P2RX1: variants seen among roughly 807,000 people sequenced by gnomAD.
P2RX1 encodes purinergic receptor P2X 1, also known as P2X purinoceptor 1.
Under a neutral mutation model 50.3 loss-of-function variants are expected in P2RX1, and 42 were observed. The observed-to-expected ratio is 0.83, with a 90% CI of 0.65 to 1.08. P2RX1 has a LOEUF of 1.08. Among genes scored for constraint, P2RX1 ranks in the 50% least tolerant of loss-of-function variants. The pLI is 0.00. For synonymous variants in P2RX1, 199 were observed against 202.6 expected, an observed-to-expected ratio of 0.98 and a Z score of 0.15; for missense variants, 449 against 529.0, an observed-to-expected ratio of 0.85 and a Z score of 1.48.
At chr17:3,904,524 G>A (rs1163141089) in intron 3 of P2RX1, 125 bp from the exon 4 acceptor site, 5 of 829,114 alleles carry the variant, frequency 6.0e-6, no homozygotes, top group Non-Finnish European at 7.9e-6. Flanking sequence ...CTGGAGTGAC[G>A]CCTGCTCACA....
At chr17:3,901,760 G>A (rs1023096725) in intron 7 of P2RX1, among the ~76,000 whole-genome samples, 1 of 152,130 alleles carries the variant, frequency 6.6e-6, no homozygotes. Flanking sequence ...GGCTTCCCAC[G>A]CGCCAGGCAG....
chr17:3,909,685 A>G (rs1053629207), intron 1 of P2RX1, among the ~76,000 whole-genome samples: 2 of 152,176 alleles, frequency 1.3e-5, no homozygotes, highest in African/African-American at 4.8e-5. Context: ...TGTCTCTACT[A>G]AAAAACAAAA....
Position 3,901,066 on chromosome 17 carries a change from AT to A in P2RX1, c.748-1306del, listed in dbSNP as rs374993346. ...GTTCCCAGTTGAAGATGGCAGGGAG[AT>A]TTTTTTTTTCTTTTTTGTGAGACGG... On this transcript the variant is annotated intron_variant, in intron 7 of 11. Transcript: ENST00000225538. 5.0e-3 allele frequency among the ~76,000 whole-genome samples: 745 copies of A among 149,566 alleles called. 11 individuals are homozygous for A. The highest frequency in any genetic ancestry group is 0.017 in the African/African-American group (679 of 40,724).
chr17:3,903,325 C>G lies in P2RX1; in HGVS notation c.624G>C (p.Glu208Asp), dbSNP rs775290672. 10 of 1,614,156 alleles carry G rather than the reference C, an allele frequency of 6.2e-6. No homozygotes were observed. Among genetic ancestry groups the G allele is most frequent in the Non-Finnish European group, 8.5e-6 (10 of 1,180,018 alleles). The change falls in exon 7 of 12, where the codon GAG becomes GAC. Residue 208 changes from glutamate (E) to aspartate (D), a missense_variant. Glu to Asp is a conservative substitution (Grantham distance 45). Transcript: ENST00000225538. The surrounding 1 kb of genome is among the most constrained non-coding windows in gnomAD (Gnocchi z 4.6). ...AGGTCTTCATGTGGGCAGCATTCAC[C>G]TCCTCCACCAGGTTGCGCCTGTGGG... Reference protein sequence around the residue: ...FKVNRRNLVEEVNAAHMKTCL... With the variant: ...FKVNRRNLVEDVNAAHMKTCL...
chr17:3,915,453 C>CAG lies in P2RX1; in HGVS notation c.137+635_137+636insCT, dbSNP rs2052385526. 3 of 456,440 alleles carry CAG rather than the reference C, an allele frequency of 6.6e-6. 1 individual carries two copies. The highest frequency in any genetic ancestry group is 4.6e-5 in the South Asian group (3 of 64,572). 28.3% of individuals were successfully genotyped at this position (456,440 alleles called of 1,614,324 possible). A position where few individuals can be genotyped will look rare whatever the true frequency, so the allele number is the denominator to read the frequency against. On this transcript the variant is annotated intron_variant, in intron 1 of 11. Transcript: ENST00000225538. ...AACCATACTGCAGGAGCGTCCCACG[C>CAG]TGCCTCTGATTCTGCACTCCCAGCC... is the stretch of plus-strand genomic sequence containing the variant.
At chr17:3,915,879 G>A (rs1369126962) in intron 1 of P2RX1, 10 of 699,188 alleles carry the variant, frequency 1.4e-5, no homozygotes, top group South Asian at 1.5e-5. Context: ...TTCACCGAAG[G>A]CCCCCGGGCA....
Position 3,903,888 on chromosome 17 carries a change from G to T in P2RX1, c.524+40C>A. 6.6e-7 allele frequency: 1 copy of T among 1,520,654 alleles called. No individual in the cohort carries two copies. The highest frequency in any genetic ancestry group is 9.1e-7 in the Non-Finnish European group (1 of 1,094,766). The allele number at this position is 1,520,654 out of a possible 1,614,324, so 94.2% of individuals were successfully genotyped here. A position where few individuals can be genotyped will look rare whatever the true frequency, so the allele number is the denominator to read the frequency against. ...ACCTAGGCCCCCCTCTGTCTGGCCT[G>T]GGACCCTGTTCTTAGCTCTCTGGAA... is the stretch of plus-strand genomic sequence containing the variant. On this transcript the variant is annotated intron_variant, in intron 5 of 11. Coordinates refer to ENST00000225538, the MANE Select transcript of P2RX1 (RefSeq NM_002558.4). This position sits in a 1 kb window ranked among gnomAD's most constrained non-coding sequence, Gnocchi z 4.6.
chr17:3,904,318 G>A lies in P2RX1; in HGVS notation c.427+12C>T. The A allele has an allele frequency of 6.2e-7, 1 of 1,612,746 alleles. No homozygotes were observed. ...GGGGGACTGTGGAGGGACAGGAGGA[G>A]GCTGACCTTACCTTGGGCCTTCCTC... On this transcript the variant is annotated intron_variant, in intron 4 of 11. Transcript: ENST00000225538.
Position 3,904,336 on chromosome 17 carries a change from C to A in P2RX1, c.421G>T (p.Ala141Ser). Residue 141 changes from alanine to serine, a missense_variant, in exon 4 of 12, where the codon GCC becomes TCC. Coordinates refer to ENST00000225538, the MANE Select transcript of P2RX1 (RefSeq NM_002558.4). ...GCTPGKAKRKAQGIRTGKCVA... is the reference protein window; with the variant it reads ...GCTPGKAKRKSQGIRTGKCVA... ...AGGAGGAGGCTGACCTTACCTTGGG[C>A]CTTCCTCTTGGCCTTCCCAGGGGTA... is the stretch of plus-strand genomic sequence containing the variant. 6.2e-7 allele frequency: 1 copy of A among 1,613,854 alleles called. No homozygotes were observed. Among genetic ancestry groups the A allele is most frequent in the Non-Finnish European group, 8.5e-7 (1 of 1,179,814 alleles).
Position 3,916,373 on chromosome 17 carries a change from G to A in P2RX1, c.-148C>T. 1.2e-6 allele frequency: 1 copy of A among 865,024 alleles called. No individual in the cohort carries two copies. The highest frequency in any genetic ancestry group is 1.8e-6 in the Non-Finnish European group (1 of 562,412). 53.6% of individuals were successfully genotyped at this position (865,024 alleles called of 1,614,324 possible). A position where few individuals can be genotyped will look rare whatever the true frequency, so the allele number is the denominator to read the frequency against. On this transcript the variant is annotated 5_prime_UTR_variant, in exon 1 of 12. Coordinates refer to ENST00000225538, the MANE Select transcript of P2RX1 (RefSeq NM_002558.4). Reference sequence around the variant, plus strand: ...CAGGGCGGTGCAGGTGGAGCCAGAGGACAGGAGCCAGAGGTCAGCTGGAGG... The same window carrying A: ...CAGGGCGGTGCAGGTGGAGCCAGAGAACAGGAGCCAGAGGTCAGCTGGAGG...
At chr17:3,909,221 A>G (rs2056320976) in intron 1 of P2RX1, among the ~76,000 whole-genome samples, 1 of 151,698 alleles carries the variant, frequency 6.6e-6, no homozygotes. Context: ...TAGTAGAGAG[A>G]GGGTTTCGCC....
In P2RX1 at chr17:3,904,323, A is replaced by G. The variant is rs201967324; in HGVS notation, c.427+7T>C. 1.2e-5 allele frequency: 20 copies of G among 1,613,140 alleles called. No homozygotes were observed. In the African/African-American group the frequency reaches 1.7e-4, roughly 14 times the overall value. On this transcript the variant is annotated splice_region_variant and intron_variant, in intron 4 of 11. Transcript: ENST00000225538. ...ACTGTGGAGGGACAGGAGGAGGCTG[A>G]CCTTACCTTGGGCCTTCCTCTTGGC...
chr17:3,904,054 T>C (rs774569518), intron 4 of P2RX1, 30 bp from the exon 5 acceptor site: 2 of 1,575,560 alleles, frequency 1.3e-6, no homozygotes, highest in East Asian at 2.2e-5. Context: ...CCTGGGTGCC[T>C]GCACTAAACA....
rs193287920 is a variant in P2RX1 at position 3,904,557 on chromosome 17, C to A, written c.358-158G>T. The stretch of plus-strand genomic sequence containing the variant: ...ACAGCCTCCTTCCCCCATTTCCCCC[C>A]ACACTGCTCTGCCGAGGCGCCCCCC... On this transcript the variant is annotated intron_variant, in intron 3 of 11. Transcript: ENST00000225538. 1.2e-3 allele frequency: 833 copies of A among 718,466 alleles called. 5 individuals are homozygous for A. The African/African-American group carries it at 0.012, about 11-fold the overall frequency. 44.5% of individuals were successfully genotyped at this position (718,466 alleles called of 1,614,324 possible).
At position 3,899,743 on chromosome 17, in the gene P2RX1, T is replaced by G; in HGVS notation, c.766A>C (p.Thr256Pro). Residue 256 changes from threonine to proline, a missense_variant, in exon 8 of 12, where the codon ACC becomes CCC. Physicochemically the swap from Thr to Pro is conservative, Grantham distance 38. Transcript: ENST00000225538. ...TCCAGGTCACAGTGCCAGTCGATGGTGATGCCAACCACTCCACCCTGCCAG... is the reference window on the plus strand; with the variant it reads ...TCCAGGTCACAGTGCCAGTCGATGGGGATGCCAACCACTCCACCCTGCCAG... ...LAEKGGVVGI[T>P]IDWHCDLDWH... 1 of 1,613,756 alleles carries G rather than the reference T, an allele frequency of 6.2e-7. No homozygotes were observed. The highest frequency in any genetic ancestry group is 8.5e-7 in the Non-Finnish European group (1 of 1,179,770).
intron 3 of P2RX1, 179 bp from the exon 4 acceptor site, chr17:3,904,578 C>A (rs1167248814): frequency 1.5e-6 from 1 of 669,508 alleles, no homozygotes; most frequent in African/African-American, 1.8e-5. Flanking sequence ...GCCGAGGCGC[C>A]CCCCGGGCTC....
intron 1 of P2RX1, among the ~76,000 whole-genome samples, chr17:3,906,093 G>C (rs2056257569): frequency 6.6e-6 from 1 of 152,126 alleles, no homozygotes; most frequent in South Asian, 2.1e-4. Context: ...TCAATCCCCT[G>C]TGCCTCAGTT....
chr17:3,901,688 C>T (rs756631132), intron 7 of P2RX1, among the ~76,000 whole-genome samples: 4 of 152,212 alleles, frequency 2.6e-5, no homozygotes, highest in African/African-American at 9.7e-5. Context: ...GGATTGATTT[C>T]GTTCTTGAAC....
chr17:3,911,643 G>T (rs2056367356), intron 1 of P2RX1, among the ~76,000 whole-genome samples: 2 of 151,980 alleles, frequency 1.3e-5, no homozygotes, highest in South Asian at 4.1e-4. Context: ...TCCTGTCTTG[G>T]CTCCCTTCTG....
Sources: gnomAD v4.1 joint callset for allele counts (sites outside exome capture counted in the v4.1 genomes callset) on GRCh38, gnomAD v4.1.1 for gene constraint, Gnocchi (gnomAD v3.1) non-coding constraint, MANE v1.5 for transcripts, NCBI Gene and HGNC (gene_info 2026-07-23, HGNC 2026-07-21) for gene names.